RPTOR: variants seen among roughly 807,000 people sequenced by gnomAD.
RPTOR encodes regulatory-associated protein of mTOR.
Under a neutral mutation model 169.9 loss-of-function variants are expected in RPTOR, and 21 were observed. That is an observed-to-expected ratio of 0.12 (90% CI 0.09 to 0.18). The LOEUF (loss-of-function observed/expected upper bound fraction) is 0.18, where lower values mean the gene tolerates loss of function less well. Ranked by LOEUF, RPTOR falls within the 10% of genes least tolerant of loss-of-function variation. The probability of loss-of-function intolerance (pLI) is 1.00; values close to 1 mark genes in which losing one functional copy is unlikely to be tolerated. For missense variants in RPTOR, 1,133 were observed against 1,855.9 expected (o/e 0.61, Z 7.16); for synonymous variants, 732 against 753.2 (o/e 0.97, Z 0.46).
chr17:80,625,572 G>C (rs1391142748), intron 1 of RPTOR, 119 bp from the exon 2 acceptor site: 2 of 731,086 alleles, frequency 2.7e-6, no homozygotes, highest in Non-Finnish European at 4.7e-6. Flanking sequence ...AGGACTGGCT[G>C]GAGGGCAGGT....
chr17:80,677,719 G>C (rs920030620), intron 3 of RPTOR, among the ~76,000 whole-genome samples: 1 of 152,030 alleles, frequency 6.6e-6, no homozygotes, highest in African/African-American at 2.4e-5. Context: ...CATTTTCTTT[G>C]GAAACTGTTC....
At chr17:80,663,885 A>T (rs2065743511) in intron 3 of RPTOR, among the ~76,000 whole-genome samples, 1 of 152,088 alleles carries the variant, frequency 6.6e-6, no homozygotes, top group South Asian at 2.1e-4. Flanking sequence ...CTGCTTTGGC[A>T]CGGAAGCATC....
chr17:80,792,791 T>G (rs572591254), intron 7 of RPTOR, among the ~76,000 whole-genome samples: 4 of 152,288 alleles, frequency 2.6e-5, no homozygotes, highest in Non-Finnish European at 5.9e-5. Context: ...ATCTGTTTAC[T>G]GGTATTGCTG....
chr17:80,842,525 T>C (rs1161772208), intron 10 of RPTOR, among the ~76,000 whole-genome samples: 1 of 152,162 alleles, frequency 6.6e-6, no homozygotes, highest in Non-Finnish European at 1.5e-5. Flanking sequence ...AGTGGCTGAG[T>C]CAGTTTACAC....
chr17:80,897,038 G>A (rs1396017713), intron 20 of RPTOR, among the ~76,000 whole-genome samples: 6 of 152,220 alleles, frequency 3.9e-5, no homozygotes, highest in African/African-American at 7.2e-5. Flanking sequence ...AGGCCGAGAC[G>A]GGCGGATCAC....
chr17:80,683,622 C>G (rs536557754), intron 3 of RPTOR, among the ~76,000 whole-genome samples: 1 of 152,260 alleles, frequency 6.6e-6, no homozygotes, highest in Non-Finnish European at 1.5e-5. Context: ...CCCTTCGCCC[C>G]CATTCATTCC....
Position 80,947,709 on chromosome 17 carries a change from A to G in RPTOR, c.3265+358A>G, listed in dbSNP as rs2069120007. On this transcript the variant is annotated intron_variant, in intron 27 of 33. Coordinates refer to ENST00000306801, the MANE Select transcript of RPTOR (RefSeq NM_020761.3). This position sits in a 1 kb window ranked among gnomAD's most constrained non-coding sequence, Gnocchi z 4.4. ...TCAGGGAAGGATGCCCCAAGCCACA[A>G]CACGTGCCAGGTCCTCCCCGGCCAG... Among the ~76,000 whole-genome samples the G allele has an allele frequency of 6.6e-6, 1 of 151,990 alleles. No homozygotes were observed. The highest frequency in any genetic ancestry group is 1.5e-5 in the Non-Finnish European group (1 of 67,990).
At chr17:80,545,851 C>T in intron 1 of RPTOR, 60 bp downstream of exon 1, 2 of 1,433,530 alleles carry the variant, frequency 1.4e-6, no homozygotes, top group Non-Finnish European at 1.9e-6. Context: ...AGAAAGTTTA[C>T]AGCCCGAAAA....
intron 21 of RPTOR, among the ~76,000 whole-genome samples, chr17:80,913,052 G>A (rs1398304920): frequency 6.6e-6 from 1 of 152,222 alleles, no homozygotes; most frequent in African/African-American, 2.4e-5. Flanking sequence ...GAGTGTATAT[G>A]TGTGTGGGTT....
At chr17:80,547,096 G>T (rs78457522) in intron 1 of RPTOR, among the ~76,000 whole-genome samples, 14,673 of 152,050 alleles carry the variant, frequency 0.097, 816 homozygotes, top group Non-Finnish European at 0.13. Context: ...TAAAACTTCT[G>T]GTAACTCTAG....
At chr17:80,859,190 T>C (rs1463742424) in intron 13 of RPTOR, among the ~76,000 whole-genome samples, 3 of 152,082 alleles carry the variant, frequency 2.0e-5, no homozygotes, top group African/African-American at 7.2e-5. Context: ...ACTGGGGACC[T>C]CGTCTACCCA....
At chr17:80,685,629 T>TATATA (rs1433182285) in intron 3 of RPTOR, among the ~76,000 whole-genome samples, 7 of 22,130 alleles carry the variant, frequency 3.2e-4, no homozygotes, top group Non-Finnish European at 5.5e-4. Context: ...ATATATATAT[T>TATATA]TTTTTTTTTT....
intron 1 of RPTOR, among the ~76,000 whole-genome samples, chr17:80,550,600 C>T (rs1197251117): frequency 1.3e-5 from 2 of 152,206 alleles, no homozygotes; most frequent in East Asian, 3.8e-4. Flanking sequence ...TAGTTTTCTC[C>T]ATCACCGCTT....
At chr17:80,641,634 C>T (rs2065555055) in intron 2 of RPTOR, among the ~76,000 whole-genome samples, 1 of 152,202 alleles carries the variant, frequency 6.6e-6, no homozygotes, top group South Asian at 2.1e-4. Context: ...GTTACGTTTA[C>T]ACTGTACTGT....
At chr17:80,574,140 GT>G (rs368341890) in intron 1 of RPTOR, among the ~76,000 whole-genome samples, 78 of 146,812 alleles carry the variant, frequency 5.3e-4, no homozygotes, top group Middle Eastern at 3.5e-3. Flanking sequence ...TTTTAAGATG[GT>G]TTTTTTTTTC....
intron 6 of RPTOR, chr17:80,774,303 T>C (rs2066872770): frequency 1.0e-6 from 1 of 985,424 alleles, no homozygotes; most frequent in South Asian, 4.7e-5. Context: ...GAGAGTGCTT[T>C]GGAAGTGGAA....
intron 6 of RPTOR, among the ~76,000 whole-genome samples, chr17:80,756,638 C>T (rs1029947749): frequency 2.0e-5 from 3 of 152,040 alleles, no homozygotes; most frequent in Admixed American, 6.6e-5. Context: ...ATTAGGTGAG[C>T]GCTCATAGTA....
At chr17:80,789,526 A>G (rs939102992) in intron 6 of RPTOR, among the ~76,000 whole-genome samples, 1 of 152,164 alleles carries the variant, frequency 6.6e-6, no homozygotes, top group Non-Finnish European at 1.5e-5. Context: ...GATCCTGGGA[A>G]TATTATCCTG....
At chr17:80,816,772 A>T (rs781733623) in intron 7 of RPTOR, among the ~76,000 whole-genome samples, 1 of 152,164 alleles carries the variant, frequency 6.6e-6, no homozygotes, top group Non-Finnish European at 1.5e-5. Context: ...AGAGGAGCCT[A>T]CGGGGGCCAA....
Sources: gnomAD v4.1 joint callset for allele counts (sites outside exome capture counted in the v4.1 genomes callset) on GRCh38, gnomAD v4.1.1 for gene constraint, Gnocchi (gnomAD v3.1) non-coding constraint, MANE v1.5 for transcripts, NCBI Gene and HGNC (gene_info 2026-07-23, HGNC 2026-07-21) for gene names.